Variants in BRWD1 observed in about 807,000 individuals in gnomAD.
BRWD1 encodes the protein bromodomain and WD repeat-containing protein 1.
A neutral mutation model predicts 251.2 loss-of-function variants in BRWD1; 82 were observed. That is an observed-to-expected ratio of 0.33 (90% CI 0.27 to 0.39). BRWD1 has a LOEUF of 0.39. BRWD1 is among the 10% of genes least tolerant of loss of function. The probability of loss-of-function intolerance (pLI) is 1.00; values close to 1 mark genes in which losing one functional copy is unlikely to be tolerated. For missense variants in BRWD1, 2,233 were observed against 2,711.6 expected (o/e 0.82, Z 3.92); for synonymous variants, 918 against 902.8 (o/e 1.02, Z -0.30).
At chr21:39,206,790 G>A (rs986240297) in intron 36 of BRWD1, among the ~76,000 whole-genome samples, 10 of 152,098 alleles carry the variant, frequency 6.6e-5, no homozygotes, top group African/African-American at 2.2e-4. Flanking sequence ...AACCTAGAAC[G>A]TTAATGCATA....
rs766051125 is a variant in BRWD1 at position 39,313,354 on chromosome 21, GGCCAGGGGAGCCGGGGGA to G, written c.49+71_50-56del. 6,030 of 1,466,252 alleles carry G rather than the reference GGCCAGGGGAGCCGGGGGA, an allele frequency of 4.1e-3. 44 individuals are homozygous for G. Among genetic ancestry groups the G allele is most frequent in the Non-Finnish European group, 4.1e-3 (4,456 of 1,096,524 alleles). 90.8% of individuals were successfully genotyped at this position (1,466,252 alleles called of 1,614,324 possible). A position where few individuals can be genotyped will look rare whatever the true frequency, so the allele number is the denominator to read the frequency against. On this transcript the variant is annotated intron_variant, in intron 1 of 40. Transcript: ENST00000342449. ...CCCGGCGGGGAGGGGAGGGGGACGG[GGCCAGGGGAGCCGGGGGA>G]GCCCGGGGAGCCGGGGAAGCCGAAG...
rs147509474 is a variant in BRWD1, at chr21:39,289,886, G to T, written c.831+3925C>A. On this transcript the variant is annotated intron_variant, in intron 8 of 40. Transcript: ENST00000342449. ...AAAAAATACAAAAAATTAGCCGGACGTGGTGGCAGCCGCCTGTAGTCCCAG... is the reference window on the plus strand; with the variant it reads ...AAAAAATACAAAAAATTAGCCGGACTTGGTGGCAGCCGCCTGTAGTCCCAG... Among the ~76,000 whole-genome samples the T allele has an allele frequency of 2.0e-5, 3 of 151,974 alleles. No homozygotes were observed. In the South Asian group the frequency reaches 6.2e-4, roughly 32 times the overall value.
At position 39,215,370 on chromosome 21, in the gene BRWD1, ATAAAG is replaced by A; in HGVS notation, c.3660-13_3660-9del. The A allele has an allele frequency of 6.2e-7, 1 of 1,611,660 alleles. No homozygotes were observed. The highest frequency in any genetic ancestry group is 8.5e-7 in the Non-Finnish European group (1 of 1,178,768). On this transcript the variant is annotated splice_polypyrimidine_tract_variant and intron_variant, in intron 31 of 40. Transcript: ENST00000342449. ...ACTAACGCAGACAGCCTCCTTCAAAATAAAGTAGACAATTTAGGGCTTAGAAAATG... is the reference window on the plus strand; with the variant it reads ...ACTAACGCAGACAGCCTCCTTCAAAATAGACAATTTAGGGCTTAGAAAATG...
At chr21:39,287,553 C>T (rs2035679582) in intron 8 of BRWD1, among the ~76,000 whole-genome samples, 1 of 152,096 alleles carries the variant, frequency 6.6e-6, no homozygotes, top group African/African-American at 2.4e-5. Context: ...TATAAAGCTG[C>T]TTAAAATATC....
intron 8 of BRWD1, among the ~76,000 whole-genome samples, chr21:39,282,663 T>C (rs1338196061): frequency 2.0e-5 from 3 of 152,122 alleles, no homozygotes; most frequent in African/African-American, 7.2e-5. Context: ...CAGAGTACTT[T>C]GAGAATTCTA....
At chr21:39,208,093 AT>A (rs1348890907) in intron 36 of BRWD1, among the ~76,000 whole-genome samples, 4 of 152,218 alleles carry the variant, frequency 2.6e-5, no homozygotes, top group Non-Finnish European at 4.4e-5. Context: ...AATTGTACTC[AT>A]AAAAATGGCT....
At chr21:39,316,215 T>A (rs2036696765), upstream of BRWD1, among the ~76,000 whole-genome samples, 1 of 152,026 alleles carries the variant, frequency 6.6e-6, no homozygotes, top group Non-Finnish European at 1.5e-5. Flanking sequence ...AGAGACAAGA[T>A]CAGAAGTATG....
intron 7 of BRWD1, among the ~76,000 whole-genome samples, chr21:39,294,511 C>T (rs539747655): frequency 9.2e-5 from 14 of 152,100 alleles, no homozygotes; most frequent in African/African-American, 3.1e-4. Context: ...AAAAATTAGC[C>T]GGGCGTGGTG....
intron 23 of BRWD1, among the ~76,000 whole-genome samples, chr21:39,233,811 G>C (rs1234814861): frequency 6.6e-6 from 1 of 152,198 alleles, no homozygotes; most frequent in East Asian, 1.9e-4. Flanking sequence ...CTTGAGGTCA[G>C]AAGTTCGAGA....
intron 31 of BRWD1, among the ~76,000 whole-genome samples, 155 bp downstream of exon 31, chr21:39,217,997 C>T (rs1224076594): frequency 6.6e-6 from 1 of 152,058 alleles, no homozygotes; most frequent in East Asian, 1.9e-4. Flanking sequence ...CACACCTACC[C>T]ATAGGCATCT....
chr21:39,277,636 TCACTGCAA>T (rs1231905764), intron 10 of BRWD1, among the ~76,000 whole-genome samples: 1 of 151,958 alleles, frequency 6.6e-6, no homozygotes, highest in Non-Finnish European at 1.5e-5. Context: ...TGATCTCGGC[TCACTGCAA>T]CTTCTACCTC....
At chr21:39,295,389 G>A (rs966532192) in intron 7 of BRWD1, among the ~76,000 whole-genome samples, 13 of 151,660 alleles carry the variant, frequency 8.6e-5, no homozygotes, top group Non-Finnish European at 1.2e-4. Context: ...GGGTTTCACC[G>A]TGTTAGCCAG....
intron 39 of BRWD1, 127 bp downstream of exon 39, chr21:39,200,092 A>C (rs539104788): frequency 1.6e-4 from 149 of 940,030 alleles, no homozygotes; most frequent in Non-Finnish European, 2.2e-4. Context: ...TTTCCTTCCT[A>C]AATCTAAGGA....
chr21:39,209,845 C>T, intron 36 of BRWD1, 150 bp downstream of exon 36: 1 of 756,356 alleles, frequency 1.3e-6, no homozygotes, highest in Non-Finnish European at 1.9e-6. Flanking sequence ...AAGCTCTTTT[C>T]TTTATAATAG....
chr21:39,267,102 T>C (rs776297461), intron 15 of BRWD1, among the ~76,000 whole-genome samples: 1 of 152,206 alleles, frequency 6.6e-6, no homozygotes, highest in Non-Finnish European at 1.5e-5. Context: ...TAGTTCTTTT[T>C]CCAATAATTT....
chr21:39,297,356 C>A, intron 5 of BRWD1: 1 of 985,416 alleles, frequency 1.0e-6, no homozygotes, highest in South Asian at 4.7e-5. Context: ...CCTGGGGTAC[C>A]AGTACAAAAC....
intron 23 of BRWD1, chr21:39,235,810 C>A: frequency 5.7e-6 from 1 of 175,634 alleles, no homozygotes; most frequent in South Asian, 1.4e-4. Flanking sequence ...ATGCCAGCAC[C>A]CAGTTTCACT....
chr21:39,190,577 T>A lies in BRWD1; in HGVS notation c.*5682A>T. On this transcript the variant is annotated 3_prime_UTR_variant, in exon 41 of 41. Coordinates refer to ENST00000342449, the MANE Select transcript of BRWD1 (RefSeq NM_033656.4). The stretch of plus-strand genomic sequence containing the variant: ...CTTTTATCAGAAAAGACTTGAGATA[T>A]TCTCTCCTCTGTCTGCCCTTCATTG... The A allele has an allele frequency of 2.0e-6, 2 of 985,374 alleles. No homozygotes were observed. The highest frequency in any genetic ancestry group is 2.4e-6 in the Non-Finnish European group (2 of 829,908). The allele number at this position is 985,374 out of a possible 1,614,324, so 61.0% of individuals were successfully genotyped here. A position where few individuals can be genotyped will look rare whatever the true frequency, so the allele number is the denominator to read the frequency against.
At chr21:39,318,055 A>G (rs1216908152), upstream of BRWD1, among the ~76,000 whole-genome samples, 1 of 152,232 alleles carries the variant, frequency 6.6e-6, no homozygotes, top group Non-Finnish European at 1.5e-5. Context: ...GTCTCAAAAA[A>G]GAATGAGGAA....
Sources: allele counts gnomAD v4.1 joint callset (sites outside exome capture counted in the v4.1 genomes callset), GRCh38; gene constraint gnomAD v4.1.1; transcripts MANE v1.5; gene names NCBI Gene and HGNC (gene_info 2026-07-23, HGNC 2026-07-21).